TRAF3IP1: variants seen among roughly 807,000 people sequenced by gnomAD.
The protein encoded by TRAF3IP1 is TRAF3-interacting protein 1.
Under a neutral mutation model 89.9 loss-of-function variants are expected in TRAF3IP1, and 53 were observed. The observed-to-expected ratio is 0.59, with a 90% confidence interval of 0.47 to 0.74. The LOEUF is 0.74. Among genes scored for constraint, TRAF3IP1 ranks in the 30% least tolerant of loss-of-function variants. The pLI is 0.00. For synonymous variants in TRAF3IP1, 311 were observed against 322.1 expected (o/e 0.97, Z 0.37); for missense variants, 806 against 866.1 (o/e 0.93, Z 0.87).
chr2:238,334,136 A>G (rs1574902436), intron 7 of TRAF3IP1, 101 bp downstream of exon 7: 5 of 881,634 alleles, frequency 5.7e-6, no homozygotes, highest in Non-Finnish European at 8.8e-6. Flanking sequence ...CTATGGCTGG[A>G]AAACAGACTT....
chr2:238,352,412 G>C (rs1179842501), intron 12 of TRAF3IP1, among the ~76,000 whole-genome samples: 2 of 152,214 alleles, frequency 1.3e-5, no homozygotes, highest in Non-Finnish European at 2.9e-5. Context: ...CCTGAGGTTT[G>C]TGACCCAGGG....
chr2:238,373,853 T>C (rs1031290678), intron 15 of TRAF3IP1, among the ~76,000 whole-genome samples: 1 of 152,184 alleles, frequency 6.6e-6, no homozygotes, highest in African/African-American at 2.4e-5. Flanking sequence ...CTTCGCATCC[T>C]TTGTAAGTTG....
At chr2:238,368,285 A>G (rs1699969981) in intron 15 of TRAF3IP1, among the ~76,000 whole-genome samples, 2 of 152,220 alleles carry the variant, frequency 1.3e-5, no homozygotes, top group South Asian at 4.1e-4. Context: ...TCTCCAGGGT[A>G]TGGATTATAG....
intron 16 of TRAF3IP1, among the ~76,000 whole-genome samples, chr2:238,398,359 G>A: frequency 9.8e-6 from 1 of 102,242 alleles, no homozygotes; most frequent in African/African-American, 3.7e-5. Context: ...ATGGGGAGGG[G>A]GCCCTGCAGC....
intron 15 of TRAF3IP1, among the ~76,000 whole-genome samples, chr2:238,392,934 T>G (rs1046805045): frequency 1.3e-5 from 2 of 152,264 alleles, no homozygotes; most frequent in Non-Finnish European, 2.9e-5. Flanking sequence ...CACAGTTTAG[T>G]TAACCAATTA....
In TRAF3IP1 at chr2:238,397,439, C is replaced by T. The variant is rs774682191; in HGVS notation, c.1690-20C>T. On this transcript the variant is annotated intron_variant, in intron 15 of 16. Coordinates refer to ENST00000373327, the MANE Select transcript of TRAF3IP1 (RefSeq NM_015650.4). Reference sequence around the variant, plus strand: ...GGACTGAGGAGGCGTGTTCCTCTTCCTATGTCTCCCTGACTGTAGGAGCGA... The same window carrying T: ...GGACTGAGGAGGCGTGTTCCTCTTCTTATGTCTCCCTGACTGTAGGAGCGA... 4 of 1,611,004 alleles carry T rather than the reference C, an allele frequency of 2.5e-6. No homozygotes were observed. The highest frequency in any genetic ancestry group is 3.4e-6 in the Non-Finnish European group (4 of 1,178,552).
intron 8 of TRAF3IP1, among the ~76,000 whole-genome samples, chr2:238,340,579 T>C (rs540552866): frequency 2.0e-5 from 3 of 152,328 alleles, no homozygotes; most frequent in East Asian, 1.9e-4. Flanking sequence ...ATGCAAGCTG[T>C]AAGGCATGCT....
chr2:238,350,710 G>C (rs1699111201), intron 12 of TRAF3IP1, among the ~76,000 whole-genome samples: 1 of 152,232 alleles, frequency 6.6e-6, no homozygotes, highest in Non-Finnish European at 1.5e-5. Context: ...ATAGTGCCTG[G>C]GCGGAGGCCG....
chr2:238,335,207 T>C (rs368616926), intron 7 of TRAF3IP1, among the ~76,000 whole-genome samples: 3 of 152,392 alleles, frequency 2.0e-5, no homozygotes, highest in African/African-American at 7.2e-5. Flanking sequence ...TCTAATCTTT[T>C]TTTTGGTAAT....
Position 238,325,232 on chromosome 2 carries a change from T to C in TRAF3IP1, c.124-74T>C, listed in dbSNP as rs1262575500. The C allele has an allele frequency of 2.9e-6, 4 of 1,370,794 alleles. No homozygotes were observed. In the African/African-American group the frequency reaches 5.7e-5, roughly 20 times the overall value. 84.9% of individuals were successfully genotyped at this position (1,370,794 alleles called of 1,614,324 possible). A position where few individuals can be genotyped will look rare whatever the true frequency, so the allele number is the denominator to read the frequency against. Reference sequence around the variant, plus strand: ...AGTCAATTCTGACATCTCCCAAGTGTGGAGTTGAGTGGATGAGGCTGATGA... The same window carrying C: ...AGTCAATTCTGACATCTCCCAAGTGCGGAGTTGAGTGGATGAGGCTGATGA... On this transcript the variant is annotated intron_variant, in intron 1 of 16. Coordinates refer to ENST00000373327, the MANE Select transcript of TRAF3IP1 (RefSeq NM_015650.4).
intron 5 of TRAF3IP1, 124 bp from the exon 6 acceptor site, chr2:238,332,700 T>G: frequency 1.4e-6 from 1 of 696,452 alleles, no homozygotes; most frequent in East Asian, 2.7e-5. Flanking sequence ...GGACTGGCGA[T>G]GTGGTGTTCT....
chr2:238,373,150 G>A (rs1476710323), intron 15 of TRAF3IP1, among the ~76,000 whole-genome samples: 1 of 152,166 alleles, frequency 6.6e-6, no homozygotes, highest in Non-Finnish European at 1.5e-5. Context: ...GATCCCGTTT[G>A]TGTATTTTGG....
intron 12 of TRAF3IP1, 65 bp downstream of exon 12, chr2:238,349,473 C>T (rs1362002830): frequency 1.3e-5 from 20 of 1,503,888 alleles, no homozygotes; most frequent in African/African-American, 9.6e-5. Context: ...ATGGTGCCTC[C>T]GCTAAGAGAA....
chr2:238,372,361 A>G (rs991848397), intron 15 of TRAF3IP1, among the ~76,000 whole-genome samples: 3 of 151,714 alleles, frequency 2.0e-5, no homozygotes, highest in Non-Finnish European at 2.9e-5. Flanking sequence ...ACTCCCACTT[A>G]TGAGTGAGAA....
Position 238,328,731 on chromosome 2 carries a change from G to A in TRAF3IP1, c.400G>A (p.Gly134Arg). 1 of 1,613,966 alleles carries A rather than the reference G, an allele frequency of 6.2e-7. No individual in the cohort carries two copies. ...GCGGAGGGTTTTAGCTGGAGAGAAGGGAGAAGTGAAAGGCCGGGCCTCACT... is the reference window on the plus strand; with the variant it reads ...GCGGAGGGTTTTAGCTGGAGAGAAGAGAGAAGTGAAAGGCCGGGCCTCACT... ...AVRRVLAGEK[G>R]EVKGRASLTS... Residue 134 changes from glycine to arginine, a missense_variant, in exon 4 of 17, where the codon GGA becomes AGA. By Grantham distance (125) the Gly-to-Arg change is moderately radical. Transcript: ENST00000373327.
intron 1 of TRAF3IP1, among the ~76,000 whole-genome samples, chr2:238,322,402 A>G (rs1478610877): frequency 6.6e-6 from 1 of 152,152 alleles, no homozygotes; most frequent in African/African-American, 2.4e-5. Flanking sequence ...AGGAGGAGGA[A>G]CATGGGCTGG....
intron 15 of TRAF3IP1, among the ~76,000 whole-genome samples, chr2:238,369,215 TTAAAG>T (rs1444037319): frequency 2.0e-5 from 3 of 150,452 alleles, no homozygotes; most frequent in African/African-American, 7.5e-5. Flanking sequence ...AACCAAGCAA[TTAAAG>T]TAAATATATA....
intron 15 of TRAF3IP1, among the ~76,000 whole-genome samples, chr2:238,370,936 A>G (rs1700083258): frequency 6.6e-6 from 1 of 152,222 alleles, no homozygotes; most frequent in Non-Finnish European, 1.5e-5. Flanking sequence ...GGTGAGCCCC[A>G]TGCTAACACC....
intron 6 of TRAF3IP1, among the ~76,000 whole-genome samples, chr2:238,333,546 A>G (rs1698232122): frequency 6.6e-6 from 1 of 152,212 alleles, no homozygotes; most frequent in African/African-American, 2.4e-5. Flanking sequence ...GGAGGGAGGA[A>G]TAGGATGTGC....
Sources: allele counts gnomAD v4.1 joint callset (sites outside exome capture counted in the v4.1 genomes callset), GRCh38; gene constraint gnomAD v4.1.1; transcripts MANE v1.5; gene names NCBI Gene and HGNC (gene_info 2026-07-23, HGNC 2026-07-21).